Variants in ADAM9 observed in about 807,000 individuals in gnomAD.
ADAM9 encodes the protein disintegrin and metalloproteinase domain-containing protein 9.
ADAM9 carries 54 observed loss-of-function variants against 108.1 expected under a neutral mutation model. The observed-to-expected ratio is 0.50, with a 90% CI of 0.40 to 0.63. ADAM9 has a LOEUF of 0.63. Ranked by LOEUF, ADAM9 falls within the 20% of genes least tolerant of loss-of-function variation. The pLI, the probability that ADAM9 is intolerant of heterozygous loss-of-function variation, is 0.00. For synonymous variants in ADAM9, 316 were observed against 336.0 expected (o/e 0.94, Z 0.65); for missense variants, 830 against 997.7 (o/e 0.83, Z 2.26).
In ADAM9 at chr8:39,045,707, T is replaced by G. The variant is rs114968524; in HGVS notation, c.1302+3590T>G. On this transcript the variant is annotated intron_variant, in intron 12 of 21. Coordinates refer to ENST00000487273, the MANE Select transcript of ADAM9 (RefSeq NM_003816.3). The stretch of plus-strand genomic sequence containing the variant: ...GCAGATACCTTTTTTACATAACGAT[T>G]TATTTTCCTCTGGGTAGATACCCAG... 8.1e-3 allele frequency among the ~76,000 whole-genome samples: 1,240 copies of G among 152,148 alleles called. 19 individuals carry two copies. Among genetic ancestry groups the G allele is most frequent in the African/African-American group, 0.029 (1,185 of 41,500 alleles).
rs997550854 is a variant in ADAM9, at chr8:39,078,892, T to C, written c.1881+1481T>C. On this transcript the variant is annotated intron_variant, in intron 16 of 21. Transcript: ENST00000487273. ...GATAGATAAGAATTCAATTTTCTTA[T>C]GCAAATCCCAGTTTCCCTGCTGTAC... 5.9e-5 allele frequency among the ~76,000 whole-genome samples: 9 copies of C among 152,354 alleles called. No individual in the cohort carries two copies. In the East Asian group the frequency reaches 1.5e-3, roughly 26 times the overall value.
chr8:39,073,081 A>T (rs1198514579), intron 15 of ADAM9, among the ~76,000 whole-genome samples: 1 of 152,232 alleles, frequency 6.6e-6, no homozygotes, highest in Admixed American at 6.5e-5. Context: ...GCCTCTTAAT[A>T]CCAGACCAAT....
At chr8:39,082,845 C>T in intron 17 of ADAM9, 123 bp from the exon 18 acceptor site, 5 of 1,342,122 alleles carry the variant, frequency 3.7e-6, no homozygotes, top group Non-Finnish European at 5.3e-6. Flanking sequence ...ATAAAATTTT[C>T]ATTCTTAAAC....
intron 20 of ADAM9, among the ~76,000 whole-genome samples, chr8:39,092,515 C>G (rs1228463906): frequency 6.6e-6 from 1 of 151,960 alleles, no homozygotes; most frequent in Non-Finnish European, 1.5e-5. Context: ...TATCTGTATA[C>G]TCTTCTTCAT....
chr8:39,020,145 C>T (rs747895965), intron 7 of ADAM9, among the ~76,000 whole-genome samples: 51 of 152,206 alleles, frequency 3.4e-4, no homozygotes, highest in Non-Finnish European at 6.3e-4. Context: ...ATTAGCCGGG[C>T]GTGGTGGCGG....
intron 7 of ADAM9, 33 bp downstream of exon 7, chr8:39,018,951 T>C (rs1318961625): frequency 6.3e-7 from 1 of 1,581,910 alleles, no homozygotes; most frequent in Non-Finnish European, 8.7e-7. Flanking sequence ...TTCTTTTCCA[T>C]GAAAAGGATA....
intron 12 of ADAM9, among the ~76,000 whole-genome samples, chr8:39,052,581 T>A (rs918160884): frequency 2.0e-5 from 3 of 152,160 alleles, no homozygotes; most frequent in African/African-American, 4.8e-5. Context: ...TAGTTTTTTT[T>A]AAATTTAAAA....
chr8:39,047,987 C>T (rs915169268), intron 12 of ADAM9, among the ~76,000 whole-genome samples: 5 of 150,722 alleles, frequency 3.3e-5, no homozygotes, highest in Non-Finnish European at 5.9e-5. Flanking sequence ...GTGGGGCAAT[C>T]TTGGCTCATT....
intron 14 of ADAM9, among the ~76,000 whole-genome samples, chr8:39,069,140 A>G (rs948104013): frequency 3.9e-5 from 6 of 151,996 alleles, no homozygotes; most frequent in African/African-American, 1.2e-4. Context: ...TTTAAGATTC[A>G]GTTTTCTGAG....
intron 20 of ADAM9, among the ~76,000 whole-genome samples, chr8:39,101,239 C>A (rs1839685598): frequency 6.6e-6 from 1 of 152,136 alleles, no homozygotes; most frequent in Non-Finnish European, 1.5e-5. Flanking sequence ...TGACTGTCAG[C>A]ATTATAAATA....
intron 18 of ADAM9, among the ~76,000 whole-genome samples, chr8:39,088,977 C>T (rs773202215): frequency 6.6e-6 from 1 of 152,102 alleles, no homozygotes; most frequent in East Asian, 1.9e-4. Flanking sequence ...AGGCCAGGCA[C>T]GGTGGCTCAC....
At chr8:39,041,884 C>T in intron 11 of ADAM9, 62 bp from the exon 12 acceptor site, 1 of 1,505,378 alleles carries the variant, frequency 6.6e-7, no homozygotes, top group Non-Finnish European at 9.2e-7. Flanking sequence ...AAAGTCATGA[C>T]TTAACATTTT....
intron 11 of ADAM9, among the ~76,000 whole-genome samples, chr8:39,039,529 T>C (rs779528756): frequency 6.6e-6 from 1 of 152,246 alleles, no homozygotes; most frequent in Non-Finnish European, 1.5e-5. Context: ...TCTGCTACTT[T>C]GTATCAGACC....
At chr8:39,050,761 T>C (rs1837931679) in intron 12 of ADAM9, among the ~76,000 whole-genome samples, 1 of 150,566 alleles carries the variant, frequency 6.6e-6, no homozygotes, top group Non-Finnish European at 1.5e-5. Context: ...TGTTGGGCAA[T>C]CCCTAGAAAA....
rs1400689197 is a variant in ADAM9 at position 38,996,978 on chromosome 8, TGGGGCCCCGGCAGGG to T, written c.-85_-71del. 3.3e-6 allele frequency: 5 copies of T among 1,530,092 alleles called. No homozygotes were observed. Among genetic ancestry groups the T allele is most frequent in the Admixed American group, 1.9e-5 (1 of 51,534 alleles). The allele number at this position is 1,530,092 out of a possible 1,614,324, so 94.8% of individuals were successfully genotyped here. On this transcript the variant is annotated 5_prime_UTR_variant, in exon 1 of 22. Transcript: ENST00000487273. Reference sequence around the variant, plus strand: ...GGCGCGCGCGCTTCCCGGCCAGACTTGGGGCCCCGGCAGGGTTGGAAAATGATGGAAGAGGCGGAG... The same window carrying T: ...GGCGCGCGCGCTTCCCGGCCAGACTTTTGGAAAATGATGGAAGAGGCGGAG...
intron 11 of ADAM9, 149 bp downstream of exon 11, chr8:39,026,959 CTTTT>C (rs376324160): frequency 5.7e-5 from 41 of 724,736 alleles, no homozygotes; most frequent in Admixed American, 9.7e-5. Context: ...AATGAGAAGT[CTTTT>C]TTTTTTTTTT....
At chr8:39,014,172 T>G in intron 4 of ADAM9, 129 bp downstream of exon 4, 1 of 748,094 alleles carries the variant, frequency 1.3e-6, no homozygotes, top group Non-Finnish European at 2.3e-6. Flanking sequence ...TTATAACATA[T>G]GGGTTATCTT....
chr8:39,026,533 A>G, intron 10 of ADAM9, 144 bp from the exon 11 acceptor site: 1 of 1,011,576 alleles, frequency 9.9e-7, no homozygotes. Flanking sequence ...TGAAATGTAT[A>G]AAGACTGTTG....
intron 11 of ADAM9, among the ~76,000 whole-genome samples, chr8:39,027,521 G>T (rs1347755116): frequency 6.6e-6 from 1 of 152,144 alleles, no homozygotes; most frequent in African/African-American, 2.4e-5. Context: ...CATCCAAATT[G>T]CTGACTGGGA....
Sources: gnomAD v4.1 joint callset for allele counts (sites outside exome capture counted in the v4.1 genomes callset) on GRCh38, gnomAD v4.1.1 for gene constraint, MANE v1.5 for transcripts, NCBI Gene and HGNC (gene_info 2026-07-23, HGNC 2026-07-21) for gene names.